Variants in EIF4G3 observed in about 807,000 individuals in gnomAD.
EIF4G3 encodes eukaryotic translation initiation factor 4 gamma 3, also known as eIF-4-gamma 3.
A neutral mutation model predicts 186.4 loss-of-function variants in EIF4G3; 34 were observed. The observed-to-expected ratio is 0.18, with a 90% CI of 0.14 to 0.24. The LOEUF is 0.24. Among genes scored for constraint, EIF4G3 ranks in the 10% least tolerant of loss-of-function variants. The probability of loss-of-function intolerance (pLI) is 1.00; values close to 1 mark genes in which losing one functional copy is unlikely to be tolerated. For missense variants in EIF4G3, 1,536 were observed against 1,948.5 expected (o/e 0.79, Z 3.99); for synonymous variants, 673 against 679.5 (o/e 0.99, Z 0.15).
intron 2 of EIF4G3, among the ~76,000 whole-genome samples, chr1:21,101,121 G>C (rs868518735): frequency 6.6e-6 from 1 of 152,234 alleles, no homozygotes. Context: ...AGATAAAAAA[G>C]AGATCAAAGT....
At chr1:20,840,828 G>C (rs2068339701) in intron 30 of EIF4G3, 28 bp downstream of exon 30, 1 of 1,607,392 alleles carries the variant, frequency 6.2e-7, no homozygotes, top group African/African-American at 1.3e-5. Flanking sequence ...CCTAGTAACT[G>C]AATACCACTC....
intron 2 of EIF4G3, among the ~76,000 whole-genome samples, chr1:21,112,730 C>T (rs1422891519): frequency 5.3e-5 from 8 of 152,164 alleles, no homozygotes; most frequent in East Asian, 3.9e-4. Context: ...CAAAATAAAA[C>T]GCCTAAAGGA....
intron 14 of EIF4G3, among the ~76,000 whole-genome samples, chr1:20,939,578 T>C (rs2095637390): frequency 6.6e-6 from 1 of 152,202 alleles, no homozygotes; most frequent in South Asian, 2.1e-4. Context: ...TGAAGTATGA[T>C]TTTGATGCAT....
At chr1:21,135,220 C>T (rs2097217590) in intron 2 of EIF4G3, among the ~76,000 whole-genome samples, 1 of 152,224 alleles carries the variant, frequency 6.6e-6, no homozygotes, top group Non-Finnish European at 1.5e-5. Flanking sequence ...ACAGGGTAGG[C>T]CAGGCATGGT....
chr1:21,064,798 C>T (rs2095142520), intron 3 of EIF4G3: 1 of 152,108 alleles, frequency 6.6e-6, no homozygotes. Flanking sequence ...CAATTGCTGT[C>T]CTTGTGGTCA....
At chr1:21,074,843 G>C (rs2100526922) in intron 3 of EIF4G3, among the ~76,000 whole-genome samples, 1 of 152,304 alleles carries the variant, frequency 6.6e-6, no homozygotes, top group South Asian at 2.1e-4. Context: ...GGCCGAGCGA[G>C]GTGAGAGAAT....
chr1:21,161,668 A>G (rs1164167227), intron 2 of EIF4G3: 2 of 152,048 alleles, frequency 1.3e-5, no homozygotes, highest in Non-Finnish European at 2.9e-5. Context: ...CAGTCAGTGT[A>G]AAAGTTGGAG....
chr1:20,861,298 A>G (rs1407935062), intron 23 of EIF4G3, among the ~76,000 whole-genome samples: 2 of 152,186 alleles, frequency 1.3e-5, no homozygotes, highest in African/African-American at 4.8e-5. Context: ...AGTGAAACTT[A>G]CAAAAGAGTA....
intron 2 of EIF4G3, among the ~76,000 whole-genome samples, chr1:21,113,073 G>A (rs1288444914): frequency 1.4e-5 from 2 of 147,156 alleles, no homozygotes; most frequent in South Asian, 2.1e-4. Flanking sequence ...AATGGCTTGA[G>A]CCCAGGAGTC....
chr1:21,123,412 A>G (rs567531061), intron 2 of EIF4G3, among the ~76,000 whole-genome samples: 2 of 152,036 alleles, frequency 1.3e-5, no homozygotes, highest in South Asian at 2.1e-4. Flanking sequence ...AAAATACAAA[A>G]AATTAGCTGG....
intron 2 of EIF4G3, among the ~76,000 whole-genome samples, chr1:21,156,617 T>G (rs1340425280): frequency 6.6e-6 from 1 of 152,182 alleles, no homozygotes; most frequent in Admixed American, 6.6e-5. Context: ...ACAGCATCAT[T>G]TTCTAGTCTC....
At chr1:21,086,199 CTTTTTTTTT>C (rs397979515) in intron 3 of EIF4G3, among the ~76,000 whole-genome samples, 3 of 95,222 alleles carry the variant, frequency 3.2e-5, no homozygotes, top group African/African-American at 4.3e-5. Flanking sequence ...ACATGATACT[CTTTTTTTTT>C]TTTTTTTTTT....
intron 2 of EIF4G3, among the ~76,000 whole-genome samples, chr1:21,173,744 C>G: frequency 6.6e-6 from 1 of 152,190 alleles, no homozygotes; most frequent in East Asian, 1.9e-4. Context: ...CACAACTATA[C>G]CCACATACTT....
intron 30 of EIF4G3, among the ~76,000 whole-genome samples, chr1:20,830,124 A>G (rs573159981): frequency 1.1e-3 from 170 of 152,376 alleles, no homozygotes; most frequent in Non-Finnish European, 1.8e-3. Context: ...AATGAATTGA[A>G]GAGCTAAGAG....
chr1:20,855,150 G>C, intron 25 of EIF4G3, 79 bp from the exon 26 acceptor site: 5 of 1,163,352 alleles, frequency 4.3e-6, no homozygotes, highest in Non-Finnish European at 6.0e-6. Context: ...TTCTTCTTCA[G>C]TGAAGTAGAA....
chr1:20,836,927 C>T lies in EIF4G3; in HGVS notation c.4061+3929G>A, dbSNP rs371609203. On this transcript the variant is annotated intron_variant, in intron 30 of 36. Coordinates refer to ENST00000602326, the MANE Select transcript of EIF4G3 (RefSeq NM_001391906.1). ...TCTACCTATCTACCTACCAACCTAA[C>T]TAGGGTCATAAAGTATTTAGATTCA... Among the ~76,000 whole-genome samples, 6 of 152,200 alleles carry T rather than the reference C, an allele frequency of 3.9e-5. No individual in the cohort carries two copies. In the East Asian group the frequency reaches 7.7e-4, roughly 19 times the overall value.
chr1:20,864,753 G>A (rs1419693895), intron 21 of EIF4G3, 41 bp from the exon 22 acceptor site: 10 of 1,482,960 alleles, frequency 6.7e-6, no homozygotes, highest in Non-Finnish European at 9.4e-6. Flanking sequence ...GATGATGAAA[G>A]TTGTACTGCA....
chr1:21,034,915 C>T (rs533589416), intron 4 of EIF4G3, among the ~76,000 whole-genome samples: 15 of 152,182 alleles, frequency 9.9e-5, no homozygotes, highest in Admixed American at 7.8e-4. Flanking sequence ...CTGGCAGGGT[C>T]GTAAGCCAGG....
chr1:21,115,697 T>C (rs139202744), intron 2 of EIF4G3, among the ~76,000 whole-genome samples: 254 of 152,172 alleles, frequency 1.7e-3, no homozygotes, highest in Non-Finnish European at 2.8e-3. Context: ...AGACGATTTA[T>C]TAGAATAATT....
Sources: allele counts gnomAD v4.1 joint callset (sites outside exome capture counted in the v4.1 genomes callset), GRCh38; gene constraint gnomAD v4.1.1; transcripts MANE v1.5; gene names NCBI Gene and HGNC (gene_info 2026-07-23, HGNC 2026-07-21).